Variants in DNAH12 observed in about 807,000 individuals in gnomAD.
DNAH12 encodes axonemal beta dynein heavy chain 12.
In DNAH12, 285 loss-of-function variants were observed where a neutral mutation model predicts 371.5. The observed-to-expected ratio is 0.77, with a 90% CI of 0.70 to 0.85. The LOEUF is 0.85. DNAH12 is among the 40% of genes least tolerant of loss of function. The probability of loss-of-function intolerance (pLI) is 0.00; values close to 1 mark genes in which losing one functional copy is unlikely to be tolerated. For missense variants in DNAH12, 3,611 were observed against 3,689.4 expected (o/e 0.98, Z 0.55); for synonymous variants, 1,200 against 1,213.0 (o/e 0.99, Z 0.22).
intron 60 of DNAH12, among the ~76,000 whole-genome samples, chr3:57,347,003 C>T (rs1246600407): frequency 6.6e-6 from 1 of 152,096 alleles, no homozygotes; most frequent in Non-Finnish European, 1.5e-5. Flanking sequence ...GCACCAAGCC[C>T]AGATGGGTTC....
chr3:57,436,726 T>A (rs1283613966), intron 30 of DNAH12, among the ~76,000 whole-genome samples: 3 of 152,180 alleles, frequency 2.0e-5, no homozygotes, highest in Non-Finnish European at 4.4e-5. Flanking sequence ...AATGGTGGTA[T>A]TTATTAGTAC....
At position 57,523,873 on chromosome 3, in the gene DNAH12, G is replaced by T. The variant is rs1299621636; in HGVS notation, c.182C>A (p.Ala61Asp). 2 of 1,597,820 alleles carry T rather than the reference G, an allele frequency of 1.3e-6. No individual in the cohort carries two copies. The highest frequency in any genetic ancestry group is 1.3e-5 in the African/African-American group (1 of 74,476). Residue 61 changes from alanine (A) to aspartate (D), a missense_variant, in exon 3 of 74, where the codon GCC (alanine) becomes GAC (aspartate). Coordinates refer to ENST00000495027, the MANE Select transcript of DNAH12 (RefSeq NM_001366028.2). ...QKINQLVIDG[A>D]KRNLDRTLGK... ...CAGTGTTCTGTCTAAATTTCTTTTG[G>T]CTCCATCAATTCTGAAATTTATAGT...
chr3:57,506,960 G>A (rs1209344146), intron 8 of DNAH12, among the ~76,000 whole-genome samples: 2 of 151,534 alleles, frequency 1.3e-5, no homozygotes, highest in Non-Finnish European at 2.9e-5. Flanking sequence ...AATAATCACA[G>A]TCCTCTTAAG....
At chr3:57,412,540 T>A (rs1437521662) in intron 39 of DNAH12, among the ~76,000 whole-genome samples, 1 of 152,078 alleles carries the variant, frequency 6.6e-6, no homozygotes, top group East Asian at 1.9e-4. Flanking sequence ...AAATGACACA[T>A]CTGATAAAGG....
chr3:57,529,986 T>C (rs1324314197), intron 2 of DNAH12, among the ~76,000 whole-genome samples: 2 of 152,170 alleles, frequency 1.3e-5, no homozygotes, highest in South Asian at 2.1e-4. Context: ...AATTTCTTCA[T>C]TGACTCACTG....
chr3:57,415,865 T>C lies in DNAH12; in HGVS notation c.5715-301A>G, dbSNP rs891555819. Among the ~76,000 whole-genome samples, 4 of 150,910 alleles carry C rather than the reference T, an allele frequency of 2.7e-5. No homozygotes were observed. The East Asian group carries it at 5.8e-4, about 22-fold the overall frequency. On this transcript the variant is annotated intron_variant, in intron 37 of 73. Coordinates refer to ENST00000495027, the MANE Select transcript of DNAH12 (RefSeq NM_001366028.2). The stretch of plus-strand genomic sequence containing the variant: ...GGGCAGTGACGTGATCTTGGCTCAC[T>C]GCAACCTCCACCTCCCAGGTTCAAG...
At chr3:57,521,286 G>GT (rs941353042) in intron 4 of DNAH12, among the ~76,000 whole-genome samples, 8 of 151,500 alleles carry the variant, frequency 5.3e-5, no homozygotes, top group Non-Finnish European at 5.9e-5. Flanking sequence ...TTAGGCTGAG[G>GT]TTTTTTTTAT....
At chr3:57,450,250 T>TTAAAAA (rs559886102) in intron 25 of DNAH12, among the ~76,000 whole-genome samples, 1 of 98,580 alleles carries the variant, frequency 1.0e-5, no homozygotes, top group African/African-American at 4.0e-5. Flanking sequence ...TGTCTCAATT[T>TTAAAAA]AAAAAAAAAA....
chr3:57,515,375 T>C (rs1157697992), intron 4 of DNAH12, among the ~76,000 whole-genome samples: 1 of 105,094 alleles, frequency 9.5e-6, no homozygotes, highest in Non-Finnish European at 2.2e-5. Flanking sequence ...CAAAGAATGA[T>C]GGGATATGTA....
chr3:57,343,757 A>G (rs2062465368), intron 60 of DNAH12, among the ~76,000 whole-genome samples: 1 of 152,110 alleles, frequency 6.6e-6, no homozygotes, highest in Admixed American at 6.5e-5. Context: ...CCGATTGTAC[A>G]TTTGTTCAGT....
At chr3:57,483,281 G>C (rs568620242) in intron 13 of DNAH12, 95 bp downstream of exon 13, 2 of 1,427,046 alleles carry the variant, frequency 1.4e-6, no homozygotes, top group East Asian at 5.0e-5. Context: ...TCAATTTACA[G>C]CTATTTGTGT....
chr3:57,350,113 G>A (rs1290686705), intron 60 of DNAH12, among the ~76,000 whole-genome samples: 2 of 152,168 alleles, frequency 1.3e-5, no homozygotes, highest in East Asian at 1.9e-4. Context: ...AGAATGGTAC[G>A]TTGGACTTTG....
At position 57,470,578 on chromosome 3, in the gene DNAH12, T is replaced by TCTTCTTTATTAAGAA; in HGVS notation, c.1969_1970insTTCTTAATAAAGAAG (p.Gln657delinsLeuLeuAsnLysGluGlu). 1 of 1,548,984 alleles carries TCTTCTTTATTAAGAA rather than the reference T, an allele frequency of 6.5e-7. No individual in the cohort carries two copies. Among genetic ancestry groups the TCTTCTTTATTAAGAA allele is most frequent in the South Asian group, 1.2e-5 (1 of 82,962 alleles). On this transcript the variant is annotated protein_altering_variant, in exon 16 of 74. Transcript: ENST00000495027. ...AAGTTCCTCTTCTTTATTAATAAAC[T>TCTTCTTTATTAAGAA]GCACTGCTTCTTCAGATTCCTGAAT...
rs774438771 is a variant in DNAH12 at position 57,310,940 on chromosome 3, T to C, written c.10673A>G (p.Asn3558Ser). The C allele has an allele frequency of 3.7e-5, 57 of 1,545,264 alleles. 1 individual carries two copies. In the South Asian group the frequency reaches 6.0e-4, roughly 16 times the overall value. The change falls in exon 67 of 74, where the codon AAT becomes AGT. Residue 3558 changes from asparagine to serine, a missense_variant. Transcript: ENST00000495027. ...TTCAAATGGAATTGTATCATATTCATTGATAAATAACTGAAGCAAAGGAAA... is the reference window on the plus strand; with the variant it reads ...TTCAAATGGAATTGTATCATATTCACTGATAAATAACTGAAGCAAAGGAAA... ...ISIRQLQLFINEYDTIPFEAI... is the reference protein window; with the variant it reads ...ISIRQLQLFISEYDTIPFEAI...
chr3:57,402,614 A>G (rs1325689497), intron 43 of DNAH12, among the ~76,000 whole-genome samples: 5 of 152,214 alleles, frequency 3.3e-5, no homozygotes, highest in African/African-American at 7.2e-5. Flanking sequence ...GTTCTCACTT[A>G]TATGTAGGAG....
In DNAH12 at chr3:57,511,987, A is replaced by C. The variant is rs946776998; in HGVS notation, c.280-1008T>G. On this transcript the variant is annotated intron_variant, in intron 4 of 73. Coordinates refer to ENST00000495027, the MANE Select transcript of DNAH12 (RefSeq NM_001366028.2). Reference sequence around the variant, plus strand: ...AAAAACATAGATGAAGTCTTTTATAACTTGAGTATAGGAAAAACCTTCCTA... The same window carrying C: ...AAAAACATAGATGAAGTCTTTTATACCTTGAGTATAGGAAAAACCTTCCTA... Among the ~76,000 whole-genome samples, 11 of 152,012 alleles carry C rather than the reference A, an allele frequency of 7.2e-5. No homozygotes were observed. In the East Asian group the frequency reaches 1.9e-3, roughly 27 times the overall value.
In DNAH12 at chr3:57,499,647, A is replaced by AAATATATATATATAT. The variant is rs1451248906; in HGVS notation, c.1335+1673_1335+1674insATATATATATATATT. Among the ~76,000 whole-genome samples, 43 of 17,942 alleles carry AAATATATATATATAT rather than the reference A, an allele frequency of 2.4e-3. 2 individuals are homozygous for AAATATATATATATAT. The highest frequency in any genetic ancestry group is 4.4e-3 in the Non-Finnish European group (37 of 8,356). 11.8% of individuals were successfully genotyped at this position (17,942 alleles called of 152,430 possible). On this transcript the variant is annotated intron_variant, in intron 11 of 73. Transcript: ENST00000495027. Reference sequence around the variant, plus strand: ...CATCTCTACAAAAAAAAAAAAAAAAAATATATATATATATATATATATATA... The same window carrying AAATATATATATATAT: ...CATCTCTACAAAAAAAAAAAAAAAAAAATATATATATATATATATATATATATATATATATATATA...
intron 38 of DNAH12, among the ~76,000 whole-genome samples, chr3:57,414,868 T>C (rs948430712): frequency 1.4e-4 from 22 of 151,970 alleles, no homozygotes; most frequent in African/African-American, 5.3e-4. Flanking sequence ...AGAGAATGGA[T>C]AGGTATAAAT....
At chr3:57,304,337 T>C (rs908173952) in intron 69 of DNAH12, among the ~76,000 whole-genome samples, 1 of 152,176 alleles carries the variant, frequency 6.6e-6, no homozygotes, top group African/African-American at 2.4e-5. Context: ...CTTTGCTCGG[T>C]GAGAAAGATC....
Sources: allele counts gnomAD v4.1 joint callset (sites outside exome capture counted in the v4.1 genomes callset), GRCh38; gene constraint gnomAD v4.1.1; transcripts MANE v1.5; gene names NCBI Gene and HGNC (gene_info 2026-07-23, HGNC 2026-07-21).